Variants in PTP4A1 observed in about 807,000 individuals in gnomAD.
PTP4A1 encodes protein tyrosine phosphatase type IVA 1.
In PTP4A1, 9 loss-of-function variants were observed where a neutral mutation model predicts 20.5. The observed-to-expected ratio is 0.44, with a 90% CI of 0.26 to 0.77. PTP4A1 has a LOEUF of 0.77. Ranked by LOEUF, PTP4A1 falls within the 30% of genes least tolerant of loss-of-function variation. The probability of loss-of-function intolerance (pLI) is 0.19; values close to 1 mark genes in which losing one functional copy is unlikely to be tolerated. For missense variants in PTP4A1, 137 were observed against 218.8 expected (o/e 0.63, Z 2.36); for synonymous variants, 78 against 67.4 (o/e 1.16, Z -0.77).
At chr6:63,527,108 C>T (rs1201331704) in intron 1 of PTP4A1, among the ~76,000 whole-genome samples, 1 of 151,990 alleles carries the variant, frequency 6.6e-6, no homozygotes, top group Non-Finnish European at 1.5e-5. Flanking sequence ...TATACAAATA[C>T]CTGAGCAGTC....
chr6:63,582,937 A>G lies in PTP4A1; in HGVS notation c.*2763A>G, dbSNP rs1778334380. On this transcript the variant is annotated 3_prime_UTR_variant, in exon 6 of 6. Transcript: ENST00000626021. ...CATCCCCCTTCTAGAGTGCTTCAAA[A>G]TGATGTAGTCCCTCAACTTGGCTAA... 1 of 152,188 alleles carries G rather than the reference A, an allele frequency of 6.6e-6. No homozygotes were observed. Among genetic ancestry groups the G allele is most frequent in the Non-Finnish European group, 1.5e-5 (1 of 68,036 alleles). 9.4% of individuals were successfully genotyped at this position (152,188 alleles called of 1,614,324 possible).
chr6:63,533,789 A>T (rs914114706), intron 2 of PTP4A1, among the ~76,000 whole-genome samples: 2 of 152,220 alleles, frequency 1.3e-5, no homozygotes, highest in Admixed American at 6.5e-5. Context: ...GATTTTTTTT[A>T]AAGTTACACA....
Position 63,576,832 on chromosome 6 carries a change from T to A in PTP4A1, c.-49T>A. ...TCTTTGCATCATTTCTGTATTCAATTTTTTTAATTATTTCATAACCCTATT... is the reference window on the plus strand; with the variant it reads ...TCTTTGCATCATTTCTGTATTCAATATTTTTAATTATTTCATAACCCTATT... On this transcript the variant is annotated 5_prime_UTR_variant, in exon 2 of 6. Coordinates refer to ENST00000626021, the MANE Select transcript of PTP4A1 (RefSeq NM_003463.5). The A allele has an allele frequency of 6.8e-7, 1 of 1,470,712 alleles. No homozygotes were observed. The highest frequency in any genetic ancestry group is 9.4e-7 in the Non-Finnish European group (1 of 1,067,366). The allele number at this position is 1,470,712 out of a possible 1,614,324, so 91.1% of individuals were successfully genotyped here. A position where few individuals can be genotyped will look rare whatever the true frequency, so the allele number is the denominator to read the frequency against.
Position 63,559,787 on chromosome 6 carries a change from G to A in PTP4A1, c.-446+9294G>A, listed in dbSNP as rs553215130. Among the ~76,000 whole-genome samples, 164 of 152,126 alleles carry A rather than the reference G, an allele frequency of 1.1e-3. 1 individual carries two copies. Among genetic ancestry groups the A allele is most frequent in the Non-Finnish European group, 1.7e-3 (113 of 67,978 alleles). ...ATGAATTTCACAGCCAGGCATGGTCGTTCATGCATATAATACTAGCACTTT... is the reference window on the plus strand; with the variant it reads ...ATGAATTTCACAGCCAGGCATGGTCATTCATGCATATAATACTAGCACTTT... On this transcript the variant is annotated intron_variant, in intron 3 of 3. Transcript: ENST00000639568.
intron 1 of PTP4A1, among the ~76,000 whole-genome samples, chr6:63,572,980 G>A (rs1777565020): frequency 6.6e-6 from 1 of 152,122 alleles, no homozygotes; most frequent in Non-Finnish European, 1.5e-5. Context: ...AGTCCCTCCC[G>A]AGCCCGGAGC....
At chr6:63,574,115 T>A (rs747435480) in intron 1 of PTP4A1, among the ~76,000 whole-genome samples, 7 of 152,156 alleles carry the variant, frequency 4.6e-5, no homozygotes, top group Non-Finnish European at 1.0e-4. Context: ...TGTTACTCAG[T>A]CAGTTGAAAA....
upstream of PTP4A1, among the ~76,000 whole-genome samples, chr6:63,568,202 T>G (rs1283932966): frequency 1.3e-5 from 2 of 152,234 alleles, no homozygotes; most frequent in Non-Finnish European, 1.5e-5. Context: ...CTGTTTTGGG[T>G]ATGAGGCCTA....
In PTP4A1 at chr6:63,575,963, A is replaced by C. The variant is rs532141013; in HGVS notation, c.-445-473A>C. Reference sequence around the variant, plus strand: ...ATGCAAGACTAATAACTTCAGAGTTATCTGGAGTTTGTATTAATGTGTAAA... The same window carrying C: ...ATGCAAGACTAATAACTTCAGAGTTCTCTGGAGTTTGTATTAATGTGTAAA... On this transcript the variant is annotated intron_variant, in intron 1 of 5. Transcript: ENST00000626021. 6.9e-4 allele frequency among the ~76,000 whole-genome samples: 105 copies of C among 152,166 alleles called. No individual in the cohort carries two copies. The Middle Eastern group carries it at 0.01, about 15-fold the overall frequency.
intron 1 of PTP4A1, among the ~76,000 whole-genome samples, chr6:63,526,432 T>C (rs1426516237): frequency 6.6e-6 from 1 of 152,038 alleles, no homozygotes; most frequent in Non-Finnish European, 1.5e-5. Context: ...TACATAATCT[T>C]TCCCAGAATC....
intron 3 of PTP4A1, among the ~76,000 whole-genome samples, chr6:63,563,223 T>C (rs965057660): frequency 6.6e-6 from 1 of 152,236 alleles, no homozygotes; most frequent in African/African-American, 2.4e-5. Context: ...TTTCCTGATA[T>C]GTGGTGTGAT....
intron 3 of PTP4A1, among the ~76,000 whole-genome samples, chr6:63,565,225 G>A (rs373616842): frequency 2.0e-4 from 31 of 151,512 alleles, no homozygotes; most frequent in Non-Finnish European, 3.2e-4. Context: ...TTGCCCAGGC[G>A]GTATCTGTCA....
At chr6:63,534,781 C>CTAAAGAATTTCTTTAGTAAAGAATTTCA (rs70999109) in intron 2 of PTP4A1, among the ~76,000 whole-genome samples, 58,264 of 137,482 alleles carry the variant, frequency 0.42, 13,464 homozygotes, top group Admixed American at 0.47. Context: ...AATTTCTTTA[C>CTAAAGAATTTCTTTAGTAAAGAATTTCA]TAAAGAATTT....
chr6:63,563,441 T>C (rs1231743104), intron 3 of PTP4A1, among the ~76,000 whole-genome samples: 1 of 152,206 alleles, frequency 6.6e-6, no homozygotes, highest in Non-Finnish European at 1.5e-5. Flanking sequence ...CCTCCCCCTC[T>C]TTTTGTGATT....
intron 3 of PTP4A1, among the ~76,000 whole-genome samples, chr6:63,563,227 G>T (rs975194467): frequency 6.6e-6 from 1 of 152,172 alleles, no homozygotes; most frequent in African/African-American, 2.4e-5. Flanking sequence ...CTGATATGTG[G>T]TGTGATTCAC....
At chr6:63,518,924 C>T (rs1409918336), upstream of PTP4A1, among the ~76,000 whole-genome samples, 1 of 152,104 alleles carries the variant, frequency 6.6e-6, no homozygotes, top group Non-Finnish European at 1.5e-5. Context: ...ATACATATGC[C>T]ATATATTATA....
chr6:63,519,231 T>C (rs1382706750), upstream of PTP4A1, among the ~76,000 whole-genome samples: 2 of 151,500 alleles, frequency 1.3e-5, no homozygotes, highest in Non-Finnish European at 2.9e-5. Flanking sequence ...CACTGAAACC[T>C]GGGAGGCAGA....
chr6:63,555,127 G>T (rs1016632685), intron 3 of PTP4A1, among the ~76,000 whole-genome samples: 9 of 152,118 alleles, frequency 5.9e-5, no homozygotes, highest in African/African-American at 2.2e-4. Flanking sequence ...GTTCATTTCT[G>T]GTAATATAAG....
chr6:63,572,526 AC>A lies in PTP4A1; in HGVS notation c.-638del, dbSNP rs1041659350. 56 of 390,644 alleles carry A rather than the reference AC, an allele frequency of 1.4e-4. No homozygotes were observed. The highest frequency in any genetic ancestry group is 2.2e-4 in the Non-Finnish European group (49 of 220,980). The allele number at this position is 390,644 out of a possible 1,614,324, so 24.2% of individuals were successfully genotyped here. ...CCTTCGGCTGCGGGCCGGCTCGGCT[AC>A]GCGCTCTGCTCCGAGCCGCTCACTG... On this transcript the variant is annotated 5_prime_UTR_variant, in exon 1 of 6. Coordinates refer to ENST00000626021, the MANE Select transcript of PTP4A1 (RefSeq NM_003463.5).
upstream of PTP4A1, among the ~76,000 whole-genome samples, chr6:63,568,670 A>C (rs186316338): frequency 0.054 from 8,246 of 151,878 alleles, 311 homozygotes; most frequent in East Asian, 0.16. Context: ...AAAAAAAAAA[A>C]CAATATTTGC....
Sources: allele counts gnomAD v4.1 joint callset (sites outside exome capture counted in the v4.1 genomes callset), GRCh38; gene constraint gnomAD v4.1.1; transcripts MANE v1.5; gene names NCBI Gene and HGNC (gene_info 2026-07-23, HGNC 2026-07-21).